The following AFAP1 variants were observed in gnomAD, a reference collection of about 807,000 sequenced individuals.
AFAP1 encodes actin filament associated protein 1, also known as actin filament-associated protein 1.
In AFAP1, 75 loss-of-function variants were observed where a neutral mutation model predicts 93.9. The ratio of observed to expected loss-of-function variants is 0.80; its 90% CI spans 0.66 to 0.97. AFAP1 has a LOEUF of 0.97. Among genes scored for constraint, AFAP1 ranks in the 50% least tolerant of loss-of-function variants. The pLI, the probability that AFAP1 is intolerant of heterozygous loss-of-function variation, is 0.00. For missense variants in AFAP1, 1,201 were observed against 1,050.8 expected, an observed-to-expected ratio of 1.14 and a Z score of -1.98; for synonymous variants, 517 against 430.7, an observed-to-expected ratio of 1.20 and a Z score of -2.48.
chr4:7,826,747 C>A (rs1721456383), intron 6 of AFAP1, among the ~76,000 whole-genome samples: 1 of 152,176 alleles, frequency 6.6e-6, no homozygotes, highest in Non-Finnish European at 1.5e-5. Flanking sequence ...CAACGTGCAG[C>A]CCCTCCCCAC....
intron 1 of AFAP1, among the ~76,000 whole-genome samples, chr4:7,873,006 T>G (rs993849047): frequency 6.7e-6 from 1 of 150,200 alleles, no homozygotes; most frequent in Non-Finnish European, 1.5e-5. Flanking sequence ...TCCCAGCACT[T>G]TGGGAGACCC....
chr4:7,917,001 TTC>T (rs143784991), intron 1 of AFAP1, among the ~76,000 whole-genome samples: 1 of 151,740 alleles, frequency 6.6e-6, no homozygotes, highest in Non-Finnish European at 1.5e-5. Flanking sequence ...TTTAAAAGTG[TTC>T]TCTCTCTCTC....
chr4:7,903,158 T>C (rs919374279), intron 1 of AFAP1, among the ~76,000 whole-genome samples: 4 of 152,138 alleles, frequency 2.6e-5, no homozygotes, highest in Non-Finnish European at 5.9e-5. Flanking sequence ...GAAAGAAGAA[T>C]AAGGTTCTTT....
intron 1 of AFAP1, among the ~76,000 whole-genome samples, chr4:7,927,681 A>G (rs1170171338): frequency 6.6e-6 from 1 of 152,174 alleles, no homozygotes; most frequent in Non-Finnish European, 1.5e-5. Context: ...TGTGTAACAT[A>G]TATGTATATA....
At chr4:7,928,948 C>T (rs1042414284) in intron 1 of AFAP1, among the ~76,000 whole-genome samples, 6 of 152,206 alleles carry the variant, frequency 3.9e-5, no homozygotes, top group African/African-American at 1.4e-4. Context: ...TGTGTTTCAG[C>T]CACAGCACCT....
chr4:7,772,682 G>A, intron 16 of AFAP1, 138 bp downstream of exon 16: 5 of 742,856 alleles, frequency 6.7e-6, no homozygotes, highest in Non-Finnish European at 6.4e-6. Flanking sequence ...GCTAACACAT[G>A]AACTGTCTTC....
At chr4:7,818,935 T>TA (rs2149070052) in intron 7 of AFAP1, 141 bp downstream of exon 7, 2 of 743,408 alleles carry the variant, frequency 2.7e-6, no homozygotes, top group Admixed American at 6.6e-5. Context: ...AGCAGGCAGT[T>TA]AAAAAGATGG....
chr4:7,824,573 G>A (rs1195426562), intron 6 of AFAP1, among the ~76,000 whole-genome samples: 1 of 152,150 alleles, frequency 6.6e-6, no homozygotes, highest in East Asian at 1.9e-4. Context: ...CAGTTCTCAT[G>A]GTTTTTTTAG....
chr4:7,809,990 C>T (rs955713115), intron 8 of AFAP1, among the ~76,000 whole-genome samples: 1 of 152,174 alleles, frequency 6.6e-6, no homozygotes, highest in East Asian at 1.9e-4. Flanking sequence ...TCCGGAGTAG[C>T]TGGGACCACA....
rs947922524 is a variant in AFAP1 at position 7,769,132 on chromosome 4, G to A, written c.2254-124C>T. On this transcript the variant is annotated intron_variant, in intron 16 of 17. Coordinates refer to ENST00000420658, the MANE Select transcript of AFAP1 (RefSeq NM_001134647.2). ...GAAATGGGCAAAAATAACAGCAGTA[G>A]CAGCAAGGACTGCCACGTGGTCAGT... 5 of 1,293,702 alleles carry A rather than the reference G, an allele frequency of 3.9e-6. No homozygotes were observed. The African/African-American group carries it at 7.5e-5, about 19-fold the overall frequency. 80.1% of individuals were successfully genotyped at this position (1,293,702 alleles called of 1,614,324 possible).
chr4:7,868,199 A>G (rs2149174960), intron 3 of AFAP1, among the ~76,000 whole-genome samples: 1 of 152,308 alleles, frequency 6.6e-6, no homozygotes. Flanking sequence ...TTAACCCCAG[A>G]AGAAGTCTAA....
At chr4:7,837,747 G>A (rs541071831) in intron 6 of AFAP1, among the ~76,000 whole-genome samples, 84 of 152,274 alleles carry the variant, frequency 5.5e-4, no homozygotes, top group African/African-American at 1.9e-3. Flanking sequence ...GGCTGGACAC[G>A]ATGGCTCACA....
At chr4:7,890,004 TAAAAAAAAA>T (rs543991662) in intron 1 of AFAP1, among the ~76,000 whole-genome samples, 11 of 100,356 alleles carry the variant, frequency 1.1e-4, no homozygotes, top group African/African-American at 4.0e-4. Context: ...CAATTTTTGT[TAAAAAAAAA>T]AAAAAAAAAA....
chr4:7,789,642 C>T (rs1717667006), intron 11 of AFAP1, among the ~76,000 whole-genome samples: 1 of 149,678 alleles, frequency 6.7e-6, no homozygotes, highest in Non-Finnish European at 1.5e-5. Context: ...CGTGCATCTC[C>T]CCACACTCTG....
At chr4:7,886,979 A>G (rs943446417) in intron 1 of AFAP1, among the ~76,000 whole-genome samples, 4 of 152,246 alleles carry the variant, frequency 2.6e-5, no homozygotes, top group Non-Finnish European at 5.9e-5. Context: ...CCTGACATCC[A>G]AGGGCTCACA....
chr4:7,772,435 G>C (rs1489999341), intron 16 of AFAP1: 2 of 171,340 alleles, frequency 1.2e-5, no homozygotes, highest in African/African-American at 2.4e-5. Context: ...ATTCATTTCA[G>C]TTTCCCCAGC....
intron 2 of AFAP1, among the ~76,000 whole-genome samples, chr4:7,870,254 C>G (rs778201271): frequency 1.3e-5 from 2 of 152,146 alleles, no homozygotes; most frequent in Admixed American, 6.5e-5. Context: ...TACTCATAAC[C>G]ACCTATGATA....
At chr4:7,913,170 C>T (rs1719862787) in intron 1 of AFAP1, among the ~76,000 whole-genome samples, 1 of 152,166 alleles carries the variant, frequency 6.6e-6, no homozygotes, top group Admixed American at 6.5e-5. Flanking sequence ...AGGAGAATCA[C>T]TTGAACCCAG....
rs1237814827 is a variant in AFAP1, at chr4:7,870,426, G to A, written c.127+1526C>T. Reference sequence around the variant, plus strand: ...TATAATGTCAGCACTTTTGGAGGCCGAGGCAGGCAGACTGCTTGAGCCTAG... The same window carrying A: ...TATAATGTCAGCACTTTTGGAGGCCAAGGCAGGCAGACTGCTTGAGCCTAG... On this transcript the variant is annotated intron_variant, in intron 2 of 17. Coordinates refer to ENST00000420658, the MANE Select transcript of AFAP1 (RefSeq NM_001134647.2). 3.3e-5 allele frequency among the ~76,000 whole-genome samples: 5 copies of A among 152,286 alleles called. 1 individual carries two copies. In the East Asian group the frequency reaches 5.8e-4, roughly 18 times the overall value.
Sources: allele counts gnomAD v4.1 joint callset (sites outside exome capture counted in the v4.1 genomes callset), GRCh38; gene constraint gnomAD v4.1.1; transcripts MANE v1.5; gene names NCBI Gene and HGNC (gene_info 2026-07-23, HGNC 2026-07-21).